The following MAPK10 variants were observed in gnomAD, a reference collection of about 807,000 sequenced individuals.
The protein encoded by MAPK10 is JNK3 alpha protein kinase.
In MAPK10, 25 loss-of-function variants were observed where a neutral mutation model predicts 59.3. The observed-to-expected ratio is 0.42, with a 90% CI of 0.31 to 0.59. The LOEUF is 0.59. MAPK10 is among the 20% of genes least tolerant of loss of function. The pLI is 0.15. For missense variants in MAPK10, 351 were observed against 568.9 expected, an observed-to-expected ratio of 0.62 and a Z score of 3.90; for synonymous variants, 190 against 200.5, an observed-to-expected ratio of 0.95 and a Z score of 0.44.
chr4:86,156,394 G>A (rs1442875289), intron 4 of MAPK10, among the ~76,000 whole-genome samples: 5 of 151,856 alleles, frequency 3.3e-5, no homozygotes, highest in Non-Finnish European at 7.4e-5. Flanking sequence ...TCGTCTTACA[G>A]TTTTCTGTAA....
chr4:86,379,962 G>T (rs1003857938), intron 1 of MAPK10, among the ~76,000 whole-genome samples: 1 of 152,082 alleles, frequency 6.6e-6, no homozygotes. Flanking sequence ...TCGGCAGGGC[G>T]CAGTGGCTCA....
At chr4:86,155,362 A>G (rs1201382864) in intron 4 of MAPK10, among the ~76,000 whole-genome samples, 1 of 151,916 alleles carries the variant, frequency 6.6e-6, no homozygotes, top group African/African-American at 2.4e-5. Context: ...TATATATCCT[A>G]TCATATATAT....
intron 1 of MAPK10, among the ~76,000 whole-genome samples, chr4:86,403,016 T>C (rs532497726): frequency 5.3e-5 from 8 of 152,192 alleles, no homozygotes; most frequent in Admixed American, 2.6e-4. Flanking sequence ...GCACACAAGA[T>C]ACAATTAAGG....
chr4:86,112,711 T>C (rs2057691388), intron 4 of MAPK10, among the ~76,000 whole-genome samples: 1 of 151,938 alleles, frequency 6.6e-6, no homozygotes, highest in Admixed American at 6.5e-5. Flanking sequence ...TGGAAAGTTC[T>C]GTAGATATCT....
At position 86,031,386 on chromosome 4, in the gene MAPK10, T is replaced by C. The variant is rs773178511; in HGVS notation, c.1156A>G (p.Thr386Ala). Residue 386 changes from threonine to alanine, a missense_variant, in exon 12 of 14, where the codon ACA becomes GCA. Around this residue, in one of 5 missense-constraint regions of MAPK10, gnomAD observed 155 missense variants for 204.2 expected, o/e 0.76. Coordinates refer to ENST00000641462, the MANE Select transcript of MAPK10 (RefSeq NM_138982.4). ...GACTTACCTTTCCATTCTTCAATTGTGTGTTCTCTTTCATCCAACTGCTTG... is the reference window on the plus strand; with the variant it reads ...GACTTACCTTTCCATTCTTCAATTGCGTGTTCTCTTTCATCCAACTGCTTG... ...YDKQLDEREH[T>A]IEEWKELIYK... 1.9e-6 allele frequency: 3 copies of C among 1,612,070 alleles called. No individual in the cohort carries two copies. The African/African-American group carries it at 4.0e-5, about 22-fold the overall frequency.
At chr4:86,412,180 A>T (rs1745268555) in intron 1 of MAPK10, among the ~76,000 whole-genome samples, 1 of 152,160 alleles carries the variant, frequency 6.6e-6, no homozygotes, top group Non-Finnish European at 1.5e-5. Context: ...GCTGGATATG[A>T]GATTCTGGGT....
Position 86,017,794 on chromosome 4 carries a change from C to T in MAPK10, c.1253-424G>A, listed in dbSNP as rs561499263. ...CTGGAGTGCAGCGGCACAATCTCGG[C>T]TCACTGCAACCTCTGCCTCCCAGGT... On this transcript the variant is annotated intron_variant, in intron 13 of 13. Transcript: ENST00000641462. The surrounding 1 kb of genome is among the most constrained non-coding windows in gnomAD (Gnocchi z 4.4). Among the ~76,000 whole-genome samples, 4 of 152,302 alleles carry T rather than the reference C, an allele frequency of 2.6e-5. No homozygotes were observed. The highest frequency in any genetic ancestry group is 9.6e-5 in the African/African-American group (4 of 41,564).
At chr4:86,344,444 C>T (rs1726911378) in intron 2 of MAPK10, among the ~76,000 whole-genome samples, 1 of 152,180 alleles carries the variant, frequency 6.6e-6, no homozygotes, top group African/African-American at 2.4e-5. Flanking sequence ...AACTATCCTA[C>T]TGTGTGGGAT....
At chr4:86,244,466 A>G (rs115215467) in intron 2 of MAPK10, among the ~76,000 whole-genome samples, 1,764 of 152,312 alleles carry the variant, frequency 0.012, 41 homozygotes, top group African/African-American at 0.041. Context: ...CTGCTCACTA[A>G]CACTTACTTG....
At chr4:86,579,604 A>ATTTTAT (rs1762127778) in intron 1 of MAPK10, among the ~76,000 whole-genome samples, 1 of 151,832 alleles carries the variant, frequency 6.6e-6, no homozygotes, top group Non-Finnish European at 1.5e-5. Flanking sequence ...ATTTCACATA[A>ATTTTAT]AATGTTTTGG....
intron 11 of MAPK10, among the ~76,000 whole-genome samples, chr4:86,051,679 G>T (rs2043563205): frequency 6.6e-6 from 1 of 152,168 alleles, no homozygotes; most frequent in South Asian, 2.1e-4. Flanking sequence ...CTGCTAGACT[G>T]TCAAACTTCT....
chr4:86,037,058 C>G (rs182268813), intron 11 of MAPK10, among the ~76,000 whole-genome samples: 5 of 152,256 alleles, frequency 3.3e-5, no homozygotes, highest in Admixed American at 3.3e-4. Context: ...ACGTAAAATT[C>G]AGCTATAAAA....
At chr4:86,282,176 AT>A (rs1428917805) in intron 2 of MAPK10, among the ~76,000 whole-genome samples, 1 of 152,294 alleles carries the variant, frequency 6.6e-6, no homozygotes, top group East Asian at 1.9e-4. Flanking sequence ...GCTCAGGCTT[AT>A]ATAGGCTAAG....
intron 11 of MAPK10, among the ~76,000 whole-genome samples, chr4:86,040,671 A>G (rs2041331525): frequency 1.3e-5 from 2 of 152,242 alleles, no homozygotes; most frequent in South Asian, 2.1e-4. Flanking sequence ...ACCAAGATAT[A>G]TCATAATGAA....
chr4:86,447,638 C>T (rs1018460559), intron 1 of MAPK10, among the ~76,000 whole-genome samples: 2 of 152,116 alleles, frequency 1.3e-5, no homozygotes, highest in Non-Finnish European at 2.9e-5. Flanking sequence ...TCCTCTCCCA[C>T]GATACAAACA....
At position 86,304,131 on chromosome 4, in the gene MAPK10, G is replaced by A. The variant is rs117481146; in HGVS notation, c.-7+50399C>T. Among the ~76,000 whole-genome samples the A allele has an allele frequency of 5.2e-3, 796 of 152,200 alleles. 43 individuals carry two copies. The East Asian group carries it at 0.12, about 23-fold the overall frequency. On this transcript the variant is annotated intron_variant, in intron 2 of 13. Transcript: ENST00000641462. Reference sequence around the variant, plus strand: ...AGTATTTGGAAATGACTAAAAATAAGGCAGTAGGAGGAAAGGAAAGTCAAT... The same window carrying A: ...AGTATTTGGAAATGACTAAAAATAAAGCAGTAGGAGGAAAGGAAAGTCAAT...
chr4:86,407,438 C>A (rs1379542755), intron 1 of MAPK10, among the ~76,000 whole-genome samples: 1 of 152,080 alleles, frequency 6.6e-6, no homozygotes, highest in African/African-American at 2.4e-5. Flanking sequence ...GGGAGGTTCA[C>A]AGATTTTGTC....
chr4:86,196,705 A>T (rs1324046188), intron 2 of MAPK10, among the ~76,000 whole-genome samples: 1 of 152,190 alleles, frequency 6.6e-6, no homozygotes, highest in Non-Finnish European at 1.5e-5. Flanking sequence ...CTCATGTTTA[A>T]GTCGGTAATC....
intron 5 of MAPK10, among the ~76,000 whole-genome samples, chr4:86,104,777 T>C (rs1038668776): frequency 1.3e-5 from 2 of 152,166 alleles, no homozygotes; most frequent in Non-Finnish European, 2.9e-5. Context: ...TCAAGATCTA[T>C]TCCCTACTGT....
Sources: allele counts gnomAD v4.1 joint callset (sites outside exome capture counted in the v4.1 genomes callset), GRCh38; gene constraint gnomAD v4.1.1; regional missense constraint gnomAD v4.1.1; non-coding constraint Gnocchi (gnomAD v3.1); transcripts MANE v1.5; gene names NCBI Gene and HGNC (gene_info 2026-07-23, HGNC 2026-07-21).